Variants in SEMA3E observed in about 807,000 individuals in gnomAD.
SEMA3E encodes semaphorin 3E.
In SEMA3E, 49 loss-of-function variants were observed where a neutral mutation model predicts 93.6. The observed-to-expected ratio is 0.52, with a 90% CI of 0.42 to 0.66. The LOEUF is 0.66. Ranked by LOEUF, SEMA3E falls within the 30% of genes least tolerant of loss-of-function variation. The pLI is 0.00. For synonymous variants in SEMA3E, 363 were observed against 330.7 expected (o/e 1.10, Z -1.06); for missense variants, 906 against 964.8 (o/e 0.94, Z 0.81).
rs183309130 is a variant in SEMA3E at position 83,504,578 on chromosome 7, A to G, written c.116-14304T>C. 9.2e-5 allele frequency among the ~76,000 whole-genome samples: 14 copies of G among 152,336 alleles called. No homozygotes were observed. In the East Asian group the frequency reaches 1.2e-3, roughly 13 times the overall value. ...AAACATGAAGACAGAAGACAAACCA[A>G]TGCTGTGTGTACAGTTCACTGATGA... On this transcript the variant is annotated intron_variant, in intron 1 of 16. Transcript: ENST00000643230.
chr7:83,397,311 GA>G (rs1384646288), intron 11 of SEMA3E, among the ~76,000 whole-genome samples: 1 of 151,970 alleles, frequency 6.6e-6, no homozygotes, highest in Admixed American at 6.6e-5. Flanking sequence ...ATGTCTTTTG[GA>G]ATTAATAAAA....
rs187423681 is a variant in SEMA3E at position 83,523,772 on chromosome 7, C to T, written c.116-33498G>A. On this transcript the variant is annotated intron_variant, in intron 1 of 16. Coordinates refer to ENST00000643230, the MANE Select transcript of SEMA3E (RefSeq NM_012431.3). ...GTCCATACATTGTATCTATGATTTC[C>T]ACTGTATTTTATAAAATTACAGTAA... is the stretch of plus-strand genomic sequence containing the variant. 1.7e-3 allele frequency among the ~76,000 whole-genome samples: 252 copies of T among 152,092 alleles called. 2 individuals carry two copies. The Middle Eastern group carries it at 0.031, about 18-fold the overall frequency.
chr7:83,642,626 T>A (rs997711444), intron 1 of SEMA3E, among the ~76,000 whole-genome samples: 1 of 152,172 alleles, frequency 6.6e-6, no homozygotes, highest in Non-Finnish European at 1.5e-5. Flanking sequence ...TGTTTTCTCT[T>A]ATGCCTCCAA....
intron 1 of SEMA3E, among the ~76,000 whole-genome samples, chr7:83,631,220 A>G (rs1793778979): frequency 6.6e-6 from 1 of 152,136 alleles, no homozygotes; most frequent in Non-Finnish European, 1.5e-5. Flanking sequence ...GGTTATGTTT[A>G]GCTCATTTAT....
chr7:83,537,374 A>G (rs1444082220), intron 1 of SEMA3E, among the ~76,000 whole-genome samples: 4 of 152,174 alleles, frequency 2.6e-5, no homozygotes, highest in African/African-American at 7.2e-5. Context: ...CAATCCCTAG[A>G]GCAGTGGTCT....
chr7:83,451,978 G>A (rs765252357), intron 4 of SEMA3E, among the ~76,000 whole-genome samples: 43 of 152,094 alleles, frequency 2.8e-4, no homozygotes, highest in Non-Finnish European at 5.6e-4. Flanking sequence ...CACCACACTC[G>A]TTCTCCTTCT....
chr7:83,427,877 GCTTT>G (rs1584242002), intron 4 of SEMA3E, among the ~76,000 whole-genome samples: 1 of 152,268 alleles, frequency 6.6e-6, no homozygotes. Context: ...ACTTACACTG[GCTTT>G]CTATTATCTC....
At chr7:83,470,485 G>T (rs986232525) in intron 2 of SEMA3E, among the ~76,000 whole-genome samples, 1 of 151,662 alleles carries the variant, frequency 6.6e-6, no homozygotes, top group African/African-American at 2.4e-5. Flanking sequence ...ATCAACTTAC[G>T]TGCAGAGGTT....
chr7:83,553,086 G>C (rs1198114304), intron 1 of SEMA3E, among the ~76,000 whole-genome samples: 4 of 152,054 alleles, frequency 2.6e-5, no homozygotes, highest in Non-Finnish European at 4.4e-5. Flanking sequence ...ATAAAAACTT[G>C]CTGGCTTGGG....
chr7:83,400,318 T>C, intron 10 of SEMA3E, 68 bp from the exon 11 acceptor site: 1 of 1,421,498 alleles, frequency 7.0e-7, no homozygotes, highest in Non-Finnish European at 9.9e-7. Context: ...TAATCAATTA[T>C]GAGAAGAATC....
intron 1 of SEMA3E, chr7:83,616,809 C>T (rs1793376799): frequency 2.4e-6 from 1 of 408,234 alleles, no homozygotes; most frequent in Non-Finnish European, 4.8e-6. Flanking sequence ...ACTACAACCT[C>T]CACCTCCCGA....
intron 1 of SEMA3E, among the ~76,000 whole-genome samples, chr7:83,634,125 C>T (rs1276642550): frequency 6.6e-6 from 1 of 152,126 alleles, no homozygotes; most frequent in African/African-American, 2.4e-5. Flanking sequence ...CAATATATTA[C>T]TATTACTATT....
intron 4 of SEMA3E, among the ~76,000 whole-genome samples, chr7:83,451,977 C>T (rs62460811): frequency 0.1 from 15,651 of 152,226 alleles, 980 homozygotes; most frequent in Non-Finnish European, 0.14. Context: ...GCACCACACT[C>T]GTTCTCCTTC....
chr7:83,377,135 T>C (rs1787662135), intron 16 of SEMA3E, among the ~76,000 whole-genome samples: 1 of 152,070 alleles, frequency 6.6e-6, no homozygotes, highest in African/African-American at 2.4e-5. Flanking sequence ...TGTCAGCAAA[T>C]GACTGAACTC....
At chr7:83,441,679 T>A (rs1413655239) in intron 4 of SEMA3E, among the ~76,000 whole-genome samples, 1 of 152,206 alleles carries the variant, frequency 6.6e-6, no homozygotes. Context: ...AGGAGGACAC[T>A]GAGCCACCAT....
intron 6 of SEMA3E, among the ~76,000 whole-genome samples, chr7:83,407,934 CTG>C (rs1788359515): frequency 6.6e-6 from 1 of 152,056 alleles, no homozygotes; most frequent in Non-Finnish European, 1.5e-5. Context: ...ACAAAGAACT[CTG>C]TATCAATGAA....
chr7:83,648,345 G>C (rs1162263691), intron 1 of SEMA3E, 83 bp downstream of exon 1: 1 of 991,266 alleles, frequency 1.0e-6, no homozygotes, highest in Non-Finnish European at 1.5e-6. Context: ...ATAAGCCTAT[G>C]TTAATGTTAA....
At chr7:83,536,391 A>G (rs1389252228) in intron 1 of SEMA3E, among the ~76,000 whole-genome samples, 1 of 152,136 alleles carries the variant, frequency 6.6e-6, no homozygotes, top group Non-Finnish European at 1.5e-5. Flanking sequence ...TTTTTAAAAT[A>G]GTACAATTAC....
chr7:83,417,016 G>C (rs12707582), intron 5 of SEMA3E, among the ~76,000 whole-genome samples: 6,375 of 42,776 alleles, frequency 0.15, 222 homozygotes, highest in South Asian at 0.35. Context: ...CACACACACA[G>C]GGAGAGAGAG....
Sources: gnomAD v4.1 joint callset for allele counts (sites outside exome capture counted in the v4.1 genomes callset) on GRCh38, gnomAD v4.1.1 for gene constraint, MANE v1.5 for transcripts, NCBI Gene and HGNC (gene_info 2026-07-23, HGNC 2026-07-21) for gene names.